The following SMG6 variants were observed in gnomAD, a reference collection of about 807,000 sequenced individuals.
SMG6 encodes SMG6 nonsense mediated mRNA decay factor, also known as telomerase-binding protein EST1A.
In SMG6, 66 loss-of-function variants were observed where a neutral mutation model predicts 142.2. That is an observed-to-expected ratio of 0.46 (90% CI 0.38 to 0.57). The LOEUF (loss-of-function observed/expected upper bound fraction) is 0.57. Ranked by LOEUF, SMG6 falls within the 20% of genes least tolerant of loss-of-function variation. SMG6 has a pLI of 0.00. For synonymous variants in SMG6, 779 were observed against 702.4 expected, an observed-to-expected ratio of 1.11 and a Z score of -1.72; for missense variants, 1,793 against 1,832.0, an observed-to-expected ratio of 0.98 and a Z score of 0.39.
chr17:2,255,135 T>C (rs1372352800), intron 8 of SMG6, among the ~76,000 whole-genome samples: 25 of 151,688 alleles, frequency 1.6e-4, no homozygotes, highest in Admixed American at 1.6e-3. Context: ...CCGGGCGCGG[T>C]GGCTCACACC....
intron 9 of SMG6, among the ~76,000 whole-genome samples, chr17:2,241,794 T>C (rs2073808257): frequency 6.6e-6 from 1 of 152,250 alleles, no homozygotes; most frequent in African/African-American, 2.4e-5. Flanking sequence ...TCAGGGTGTT[T>C]AGCTACTGCA....
In SMG6 at chr17:2,068,138, C is replaced by A. The variant is rs1034440822; in HGVS notation, c.3835+640G>T. Among the ~76,000 whole-genome samples the A allele has an allele frequency of 1.3e-5, 2 of 152,190 alleles. No individual in the cohort carries two copies. The highest frequency in any genetic ancestry group is 4.8e-5 in the African/African-American group (2 of 41,440). On this transcript the variant is annotated intron_variant, in intron 16 of 18. Coordinates refer to ENST00000263073, the MANE Select transcript of SMG6 (RefSeq NM_017575.5). This position sits in a 1 kb window ranked among gnomAD's most constrained non-coding sequence, Gnocchi z 6.7. ...TCCCGTGGAGACGGCCCAGCTGGGC[C>A]TCTCTGGCTAGAGGGTGGGAAAGCA...
chr17:2,252,658 G>C (rs995704317), intron 8 of SMG6, among the ~76,000 whole-genome samples: 1 of 152,154 alleles, frequency 6.6e-6, no homozygotes, highest in Non-Finnish European at 1.5e-5. Flanking sequence ...CCACAACCCT[G>C]AGTGTATGTC....
chr17:2,151,594 C>CA (rs2070827414), intron 13 of SMG6, among the ~76,000 whole-genome samples: 1 of 152,212 alleles, frequency 6.6e-6, no homozygotes, highest in African/African-American at 2.4e-5. Flanking sequence ...ATCCATGTCA[C>CA]ATGCACAAAG....
chr17:2,241,217 A>C (rs1567711059), intron 9 of SMG6, among the ~76,000 whole-genome samples: 1 of 152,202 alleles, frequency 6.6e-6, no homozygotes, highest in South Asian at 2.1e-4. Context: ...GCAGGAATAA[A>C]AGAGATCCTG....
intron 18 of SMG6, among the ~76,000 whole-genome samples, chr17:2,063,807 A>G (rs889113805): frequency 1.3e-5 from 2 of 152,058 alleles, no homozygotes; most frequent in South Asian, 2.1e-4. Flanking sequence ...AAGGGAGGCA[A>G]GGGGCTGTGG....
At chr17:2,185,179 C>T (rs2071939349) in intron 12 of SMG6, among the ~76,000 whole-genome samples, 1 of 152,004 alleles carries the variant, frequency 6.6e-6, no homozygotes, top group African/African-American at 2.4e-5. Flanking sequence ...CACACGTGGC[C>T]ACAGTTGGAT....
At chr17:2,192,367 T>C (rs1028436827) in intron 10 of SMG6, among the ~76,000 whole-genome samples, 1 of 152,212 alleles carries the variant, frequency 6.6e-6, no homozygotes, top group South Asian at 2.1e-4. Context: ...GCCAGTTTCC[T>C]GGCAAGAGCA....
At chr17:2,205,813 A>G (rs1043820837) in intron 10 of SMG6, among the ~76,000 whole-genome samples, 1 of 151,980 alleles carries the variant, frequency 6.6e-6, no homozygotes, top group Non-Finnish European at 1.5e-5. Context: ...GTGTATATAT[A>G]TTTTTTTTCT....
chr17:2,063,556 A>T lies in SMG6; in HGVS notation c.4129+1517T>A, dbSNP rs371447989. Among the ~76,000 whole-genome samples, 58 of 152,348 alleles carry T rather than the reference A, an allele frequency of 3.8e-4. 2 individuals are homozygous for T. The South Asian group carries it at 9.3e-3, about 24-fold the overall frequency. The stretch of plus-strand genomic sequence containing the variant: ...CCAAAATGTGTCCGTTCTGAGAAAG[A>T]AAGTTCTGAGGCTGGGGTGGGGCCC... On this transcript the variant is annotated intron_variant, in intron 18 of 18. Coordinates refer to ENST00000263073, the MANE Select transcript of SMG6 (RefSeq NM_017575.5).
intron 10 of SMG6, among the ~76,000 whole-genome samples, chr17:2,194,999 G>A (rs576873705): frequency 1.3e-5 from 2 of 152,322 alleles, no homozygotes; most frequent in Admixed American, 6.5e-5. Flanking sequence ...CCAGAACAAA[G>A]ACACTTCAGG....
chr17:2,266,115 A>G, intron 8 of SMG6: 1 of 985,396 alleles, frequency 1.0e-6, no homozygotes, highest in Non-Finnish European at 1.2e-6. Flanking sequence ...TGCCACTCAA[A>G]GTCTTTTACA....
chr17:2,170,500 C>T (rs2071470163), intron 13 of SMG6, among the ~76,000 whole-genome samples: 1 of 152,254 alleles, frequency 6.6e-6, no homozygotes, highest in African/African-American at 2.4e-5. Flanking sequence ...CAAGCCATGT[C>T]ATCCAGTCTC....
Position 2,208,053 on chromosome 17 carries a change from C to T in SMG6, c.2870-19538G>A, listed in dbSNP as rs149151931. Among the ~76,000 whole-genome samples the T allele has an allele frequency of 2.4e-3, 371 of 152,232 alleles. 1 individual carries two copies. Among genetic ancestry groups the T allele is most frequent in the African/African-American group, 8.1e-3 (338 of 41,518 alleles). ...TCGAGGTGGGAGGATGGCTTAAGCC[C>T]AGGAGTTTGAGGCTGCAGTGAGCAA... On this transcript the variant is annotated intron_variant, in intron 10 of 18. Coordinates refer to ENST00000263073, the MANE Select transcript of SMG6 (RefSeq NM_017575.5).
rs79617777 is a variant in SMG6 at position 2,181,974 on chromosome 17, G to A, written c.3155+4689C>T. ...GAGAGAGCTAACAGACCTGTGGCCC[G>A]GGATATGGGTAAACAGGGGCTGTGT... On this transcript the variant is annotated intron_variant, in intron 12 of 18. Transcript: ENST00000263073. Among the ~76,000 whole-genome samples the A allele has an allele frequency of 4.5e-4, 69 of 152,290 alleles. No individual in the cohort carries two copies. The East Asian group carries it at 0.01, about 23-fold the overall frequency.
chr17:2,164,423 A>G (rs1435805859), intron 13 of SMG6, among the ~76,000 whole-genome samples: 2 of 151,950 alleles, frequency 1.3e-5, no homozygotes, highest in Non-Finnish European at 2.9e-5. Flanking sequence ...ACGCTGTCTC[A>G]GAAAACAACA....
chr17:2,090,738 G>A (rs1029651026), intron 13 of SMG6, among the ~76,000 whole-genome samples: 2 of 152,170 alleles, frequency 1.3e-5, no homozygotes, highest in African/African-American at 4.8e-5. Flanking sequence ...ACAATCACAC[G>A]GGTTTCCCCC....
At chr17:2,303,267 T>G in intron 1 of SMG6, 1 of 1,058,758 alleles carries the variant, frequency 9.4e-7, no homozygotes. Context: ...GAGGGCGGCC[T>G]GGAGAGCGAT....
At chr17:2,181,993 G>A (rs1030956788) in intron 12 of SMG6, among the ~76,000 whole-genome samples, 7 of 152,188 alleles carry the variant, frequency 4.6e-5, no homozygotes, top group African/African-American at 1.7e-4. Flanking sequence ...GTAAACAGGG[G>A]CTGTGTGAAT....
Sources: allele counts gnomAD v4.1 joint callset (sites outside exome capture counted in the v4.1 genomes callset), GRCh38; gene constraint gnomAD v4.1.1; non-coding constraint Gnocchi (gnomAD v3.1); transcripts MANE v1.5; gene names NCBI Gene and HGNC (gene_info 2026-07-23, HGNC 2026-07-21).